The following DYNC2H1 variants were observed in gnomAD, a reference collection of about 807,000 sequenced individuals.
DYNC2H1 encodes the protein dynein cytoplasmic 2 heavy chain 1.
DYNC2H1 carries 410 observed loss-of-function variants against 570.0 expected under a neutral mutation model. The ratio of observed to expected loss-of-function variants is 0.72; its 90% CI spans 0.66 to 0.78. The LOEUF (loss-of-function observed/expected upper bound fraction) is 0.78. DYNC2H1 is among the 30% of genes least tolerant of loss of function. The pLI is 0.00. For missense variants in DYNC2H1, 4,865 were observed against 5,046.4 expected (o/e 0.96, Z 1.09); for synonymous variants, 1,688 against 1,677.6 (o/e 1.01, Z -0.15).
chr11:103,393,973 TC>T (rs1942284534), intron 83 of DYNC2H1, among the ~76,000 whole-genome samples: 1 of 152,094 alleles, frequency 6.6e-6, no homozygotes, highest in African/African-American at 2.4e-5. Flanking sequence ...TTCAATTACC[TC>T]CCACTGGGTC....
In DYNC2H1 at chr11:103,326,212, C is replaced by T. The variant is rs1353739634; in HGVS notation, c.12039+2222C>T. Among the ~76,000 whole-genome samples, 1 of 151,784 alleles carries T rather than the reference C, an allele frequency of 6.6e-6. No homozygotes were observed. Among genetic ancestry groups the T allele is most frequent in the African/African-American group, 2.4e-5 (1 of 41,306 alleles). On this transcript the variant is annotated intron_variant, in intron 82 of 88. Coordinates refer to ENST00000375735, the MANE Select transcript of DYNC2H1 (RefSeq NM_001377.3). This position sits in a 1 kb window ranked among gnomAD's most constrained non-coding sequence, Gnocchi z 6.1. ...GGTTTTTTTGTTATTTCCTTGTTTT[C>T]GCAGGCACGTTCTTGGGAGTAGAGG...
intron 87 of DYNC2H1, among the ~76,000 whole-genome samples, chr11:103,457,089 C>T (rs1052107439): frequency 2.7e-4 from 41 of 152,110 alleles, no homozygotes; most frequent in African/African-American, 9.2e-4. Flanking sequence ...TGCCCGGTGA[C>T]GTCTTTTGTT....
At chr11:103,396,465 T>C (rs1160714127) in intron 83 of DYNC2H1, among the ~76,000 whole-genome samples, 2 of 152,212 alleles carry the variant, frequency 1.3e-5, no homozygotes, top group Non-Finnish European at 2.9e-5. Context: ...CTCTGGACTT[T>C]TACGGATGAA....
chr11:103,361,175 C>A (rs1940616026), intron 83 of DYNC2H1, among the ~76,000 whole-genome samples: 1 of 152,172 alleles, frequency 6.6e-6, no homozygotes, highest in Non-Finnish European at 1.5e-5. Context: ...GAAGTCTTAA[C>A]TCTCAAAGTG....
rs991091564 is a variant in DYNC2H1, at chr11:103,479,770, T to C, written c.*517T>C. ...AATTATTGTCATAATTATATACTTATAACTAATATCTTAAGGTAATTCAAA... is the reference window on the plus strand; with the variant it reads ...AATTATTGTCATAATTATATACTTACAACTAATATCTTAAGGTAATTCAAA... On this transcript the variant is annotated 3_prime_UTR_variant, in exon 89 of 89. Transcript: ENST00000375735. 6.6e-6 allele frequency: 1 copy of C among 151,480 alleles called. No homozygotes were observed. Among genetic ancestry groups the C allele is most frequent in the Non-Finnish European group, 1.5e-5 (1 of 67,990 alleles). 9.4% of individuals were successfully genotyped at this position (151,480 alleles called of 1,614,324 possible). A position where few individuals can be genotyped will look rare whatever the true frequency, so the allele number is the denominator to read the frequency against.
intron 3 of DYNC2H1, 54 bp downstream of exon 3, chr11:103,114,292 C>A: frequency 6.9e-7 from 1 of 1,439,134 alleles, no homozygotes; most frequent in Non-Finnish European, 9.2e-7. Flanking sequence ...CTCATTAATA[C>A]ATTAGTAAAT....
chr11:103,154,832 C>A, intron 24 of DYNC2H1, 23 bp downstream of exon 24: 1 of 1,502,694 alleles, frequency 6.7e-7, no homozygotes, highest in South Asian at 1.3e-5. Flanking sequence ...TATTATTTTG[C>A]CAATTAAAAA....
intron 70 of DYNC2H1, among the ~76,000 whole-genome samples, chr11:103,271,139 A>C (rs1430974975): frequency 6.6e-6 from 1 of 152,164 alleles, no homozygotes; most frequent in Non-Finnish European, 1.5e-5. Context: ...CAAATAATTT[A>C]ATTTGGATTC....
chr11:103,308,748 C>T (rs1224549203), intron 78 of DYNC2H1, among the ~76,000 whole-genome samples: 5 of 152,072 alleles, frequency 3.3e-5, no homozygotes, highest in Admixed American at 6.6e-5. Context: ...TAATGAGTAA[C>T]GTTGAGCATC....
chr11:103,206,027 G>C (rs207472278), intron 52 of DYNC2H1, among the ~76,000 whole-genome samples: 1 of 152,162 alleles, frequency 6.6e-6, no homozygotes, highest in Non-Finnish European at 1.5e-5. Flanking sequence ...GCTGAAAGTA[G>C]ACTATAGAGA....
chr11:103,273,824 G>A (rs946098041), intron 70 of DYNC2H1, among the ~76,000 whole-genome samples: 2 of 152,124 alleles, frequency 1.3e-5, no homozygotes, highest in East Asian at 3.9e-4. Context: ...GAGCAACACC[G>A]TAATTATATG....
chr11:103,236,395 G>T lies in DYNC2H1; in HGVS notation c.9710-35G>T, dbSNP rs1236689222. ...CCTTCCCTTCATCAAGTACAAGATC[G>T]TTGTGAAGTATTATCAATATCTTCA... On this transcript the variant is annotated intron_variant, in intron 62 of 88. Transcript: ENST00000375735. 5 of 1,197,624 alleles carry T rather than the reference G, an allele frequency of 4.2e-6. No homozygotes were observed. In the African/African-American group the frequency reaches 6.0e-5, roughly 14 times the overall value. 74.2% of individuals were successfully genotyped at this position (1,197,624 alleles called of 1,614,324 possible).
At chr11:103,282,035 T>G in intron 71 of DYNC2H1, 144 bp from the exon 72 acceptor site, 2 of 603,654 alleles carry the variant, frequency 3.3e-6, no homozygotes, top group Non-Finnish European at 5.7e-6. Context: ...TTGATAATGT[T>G]AACATACTAG....
rs894014252 is a variant in DYNC2H1, at chr11:103,334,389, C to A, written c.12039+10399C>A. On this transcript the variant is annotated intron_variant, in intron 82 of 88. Transcript: ENST00000375735. This position sits in a 1 kb window ranked among gnomAD's most constrained non-coding sequence, Gnocchi z 4.3. ...GCTACAAGGAATATCTGTTGTAAAT[C>A]AATTATAAATTGTAAATCAATTGTA... Among the ~76,000 whole-genome samples, 7 of 152,000 alleles carry A rather than the reference C, an allele frequency of 4.6e-5. No homozygotes were observed. The highest frequency in any genetic ancestry group is 4.6e-4 in the Admixed American group (7 of 15,270).
At chr11:103,466,114 C>A (rs955577334) in intron 87 of DYNC2H1, among the ~76,000 whole-genome samples, 1 of 151,744 alleles carries the variant, frequency 6.6e-6, no homozygotes, top group Non-Finnish European at 1.5e-5. Flanking sequence ...ACAAAAAAAA[C>A]AGTCCAGAAA....
At chr11:103,156,886 T>G (rs914965863) in intron 26 of DYNC2H1, 116 bp downstream of exon 26, 1 of 1,284,332 alleles carries the variant, frequency 7.8e-7, no homozygotes, top group Non-Finnish European at 1.0e-6. Context: ...CTCTGTGTAT[T>G]CAAATTCTTT....
chr11:103,385,160 A>T (rs796082926), intron 83 of DYNC2H1, among the ~76,000 whole-genome samples: 1 of 151,960 alleles, frequency 6.6e-6, no homozygotes, highest in African/African-American at 2.4e-5. Flanking sequence ...TCTTTAATTC[A>T]TTTTTTTAAA....
Position 103,134,403 on chromosome 11 carries a change from C to T in DYNC2H1, c.2189C>T (p.Ala730Val), listed in dbSNP as rs377629797. The change falls in exon 15 of 89, where the codon GCA becomes GTA. Residue 730 changes from alanine to valine, a missense_variant. By Grantham distance (64) the Ala-to-Val change is moderately conservative (BLOSUM62 0). Around this residue, in one of 5 missense-constraint regions of DYNC2H1, gnomAD observed 1,936 missense variants for 1,962.1 expected, o/e 0.99. Transcript: ENST00000375735. ...TTACAAGAATTGAGAACTGGCTTAG[C>T]AACTGTAGAAGCACAGGTAGAGTAT... ...DGLQELRTGL[A>V]TVEAQGFQAS... 1.2e-5 allele frequency: 19 copies of T among 1,610,644 alleles called. No individual in the cohort carries two copies. In the African/African-American group the frequency reaches 2.0e-4, roughly 17 times the overall value.
chr11:103,250,330 A>C (rs1210300577), intron 65 of DYNC2H1, among the ~76,000 whole-genome samples: 1 of 151,854 alleles, frequency 6.6e-6, no homozygotes, highest in East Asian at 1.9e-4. Context: ...TAATCTTTTC[A>C]AAATACCAAC....
Sources: gnomAD v4.1 joint callset for allele counts (sites outside exome capture counted in the v4.1 genomes callset) on GRCh38, gnomAD v4.1.1 for gene constraint, gnomAD v4.1.1 regional missense constraint, Gnocchi (gnomAD v3.1) non-coding constraint, MANE v1.5 for transcripts, NCBI Gene and HGNC (gene_info 2026-07-23, HGNC 2026-07-21) for gene names.